The following LYPD6 variants were observed in gnomAD, a reference collection of about 807,000 sequenced individuals.
The protein encoded by LYPD6 is LY6/PLAUR domain containing 6.
A neutral mutation model predicts 22.7 loss-of-function variants in LYPD6; 15 were observed. That is an observed-to-expected ratio of 0.66 (90% CI 0.44 to 1.02). The LOEUF (loss-of-function observed/expected upper bound fraction) is 1.02. Among genes scored for constraint, LYPD6 ranks in the 50% least tolerant of loss-of-function variants. The pLI, the probability that LYPD6 is intolerant of heterozygous loss-of-function variation, is 0.00. For missense variants in LYPD6, 189 were observed against 208.4 expected, an observed-to-expected ratio of 0.91 and a Z score of 0.57; for synonymous variants, 72 against 77.5, an observed-to-expected ratio of 0.93 and a Z score of 0.37.
At chr2:149,348,343 G>A (rs1312446714) in intron 1 of LYPD6, among the ~76,000 whole-genome samples, 2 of 152,208 alleles carry the variant, frequency 1.3e-5, no homozygotes, top group African/African-American at 4.8e-5. Flanking sequence ...GTTAGGCGGT[G>A]GTAAGTGCTA....
rs141051293 is a variant in LYPD6 at position 149,439,119 on chromosome 2, T to G, written c.118+1293T>G. Among the ~76,000 whole-genome samples the G allele has an allele frequency of 2.3e-3, 348 of 152,324 alleles. 2 individuals are homozygous for G. The highest frequency in any genetic ancestry group is 7.8e-3 in the African/African-American group (324 of 41,562). ...CCAGGCAATCAAATGGTTGTTTACA[T>G]TATTGTTTTTATTATCGTTGGCTTA... On this transcript the variant is annotated intron_variant, in intron 2 of 4. Transcript: ENST00000334166.
intron 1 of LYPD6, among the ~76,000 whole-genome samples, chr2:149,364,046 T>A (rs1681616585): frequency 6.6e-6 from 1 of 152,178 alleles, no homozygotes; most frequent in African/African-American, 2.4e-5. Context: ...AGTATTTTTA[T>A]CTTGTAGCCC....
intron 1 of LYPD6, among the ~76,000 whole-genome samples, chr2:149,426,855 A>G (rs1006915664): frequency 1.3e-5 from 2 of 152,192 alleles, no homozygotes; most frequent in African/African-American, 4.8e-5. Context: ...TGGGAGAATG[A>G]ACTGATCTCA....
intron 1 of LYPD6, among the ~76,000 whole-genome samples, chr2:149,340,256 A>G (rs1261677018): frequency 6.6e-6 from 1 of 152,182 alleles, no homozygotes; most frequent in Non-Finnish European, 1.5e-5. Context: ...GTAGTATAAC[A>G]TATTAGCCCA....
chr2:149,430,548 C>T (rs1683290036), intron 1 of LYPD6, among the ~76,000 whole-genome samples: 1 of 152,212 alleles, frequency 6.6e-6, no homozygotes, highest in South Asian at 2.1e-4. Context: ...TTAACTTTTT[C>T]AGGCACCTAA....
chr2:149,358,031 C>T (rs1681480347), intron 1 of LYPD6, among the ~76,000 whole-genome samples: 1 of 152,140 alleles, frequency 6.6e-6, no homozygotes. Context: ...GGTGATCCGC[C>T]CGCTTCGGCC....
intron 1 of LYPD6, among the ~76,000 whole-genome samples, chr2:149,388,645 T>C: frequency 6.6e-6 from 1 of 151,982 alleles, no homozygotes; most frequent in South Asian, 2.1e-4. Context: ...AAGGTGGGGG[T>C]TGTGGTGGGA....
intron 1 of LYPD6, among the ~76,000 whole-genome samples, chr2:149,360,720 CAAT>C (rs1681555828): frequency 1.3e-5 from 2 of 151,962 alleles, no homozygotes; most frequent in African/African-American, 2.4e-5. Flanking sequence ...ATATAAATCT[CAAT>C]GATGGGTTCA....
chr2:149,332,391 G>A (rs894718501), intron 1 of LYPD6, among the ~76,000 whole-genome samples: 1 of 152,184 alleles, frequency 6.6e-6, no homozygotes, highest in Non-Finnish European at 1.5e-5. Flanking sequence ...TCTTTGTAAG[G>A]TGAATGTTTA....
intron 1 of LYPD6, among the ~76,000 whole-genome samples, chr2:149,331,585 C>T (rs879793848): frequency 2.0e-5 from 3 of 151,970 alleles, no homozygotes; most frequent in Non-Finnish European, 2.9e-5. Context: ...GTCACAATCA[C>T]ATCCCGTTTC....
intron 1 of LYPD6, among the ~76,000 whole-genome samples, chr2:149,376,753 T>C (rs940655989): frequency 3.9e-5 from 6 of 152,212 alleles, no homozygotes; most frequent in South Asian, 4.1e-4. Context: ...GGGACGCATG[T>C]AAAGCTTATA....
chr2:149,346,913 A>G (rs960434589), intron 1 of LYPD6, among the ~76,000 whole-genome samples: 1 of 152,088 alleles, frequency 6.6e-6, no homozygotes, highest in Non-Finnish European at 1.5e-5. Context: ...GTTGGCCAGG[A>G]TGGTCTTGAT....
chr2:149,415,092 C>G (rs1249029405), intron 1 of LYPD6, among the ~76,000 whole-genome samples: 1 of 152,190 alleles, frequency 6.6e-6, no homozygotes, highest in Admixed American at 6.5e-5. Flanking sequence ...TATAGATGGA[C>G]ACACACTCTA....
At chr2:149,346,595 A>G (rs1427563347) in intron 1 of LYPD6, among the ~76,000 whole-genome samples, 1 of 152,220 alleles carries the variant, frequency 6.6e-6, no homozygotes, top group Non-Finnish European at 1.5e-5. Context: ...TTCTGTAGAT[A>G]ATTGTTGATG....
At chr2:149,376,147 T>C (rs1354568154) in intron 1 of LYPD6, among the ~76,000 whole-genome samples, 1 of 152,158 alleles carries the variant, frequency 6.6e-6, no homozygotes, top group East Asian at 1.9e-4. Flanking sequence ...CAGCCCGGGA[T>C]GTGTGGTTTG....
chr2:149,349,785 C>G (rs1412282284), intron 1 of LYPD6, among the ~76,000 whole-genome samples: 3 of 152,100 alleles, frequency 2.0e-5, no homozygotes, highest in Non-Finnish European at 4.4e-5. Context: ...ACTTTATAGA[C>G]TATCAGGAGG....
chr2:149,354,873 T>A (rs1430587432), intron 1 of LYPD6, among the ~76,000 whole-genome samples: 1 of 152,282 alleles, frequency 6.6e-6, no homozygotes, highest in South Asian at 2.1e-4. Flanking sequence ...AAATTGTGCC[T>A]CCTGTACTCA....
At chr2:149,455,448 C>G (rs1680936174) in intron 3 of LYPD6, among the ~76,000 whole-genome samples, 1 of 151,894 alleles carries the variant, frequency 6.6e-6, no homozygotes, top group African/African-American at 2.4e-5. Context: ...TTAGTAGAGA[C>G]AGTATTTCAC....
chr2:149,342,916 CA>C (rs1373656697), intron 1 of LYPD6, among the ~76,000 whole-genome samples: 1 of 152,064 alleles, frequency 6.6e-6, no homozygotes, highest in Non-Finnish European at 1.5e-5. Context: ...CAACATGGTA[CA>C]AAAAAATTTT....
Sources: gnomAD v4.1 joint callset for allele counts (sites outside exome capture counted in the v4.1 genomes callset) on GRCh38, gnomAD v4.1.1 for gene constraint, MANE v1.5 for transcripts, NCBI Gene and HGNC (gene_info 2026-07-23, HGNC 2026-07-21) for gene names.